The following MAGI1 variants were observed in gnomAD, a reference collection of about 807,000 sequenced individuals.
MAGI1 encodes membrane associated guanylate kinase, WW and PDZ domain containing 1.
In MAGI1, 58 loss-of-function variants were observed where a neutral mutation model predicts 139.9. That is an observed-to-expected ratio of 0.41 (90% CI 0.34 to 0.52). The LOEUF is 0.52. Ranked by LOEUF, MAGI1 falls within the 20% of genes least tolerant of loss-of-function variation. MAGI1 has a pLI of 0.12. For missense variants in MAGI1, 1,874 were observed against 1,901.6 expected (o/e 0.99, Z 0.27); for synonymous variants, 812 against 737.9 (o/e 1.10, Z -1.63).
intron 1 of MAGI1, among the ~76,000 whole-genome samples, chr3:65,843,094 C>G (rs1390822813): frequency 3.9e-5 from 6 of 152,186 alleles, no homozygotes; most frequent in Non-Finnish European, 8.8e-5. Flanking sequence ...AAATGTAGTA[C>G]TGGCTTATTG....
intron 1 of MAGI1, among the ~76,000 whole-genome samples, chr3:65,970,226 A>C: frequency 6.6e-6 from 1 of 152,222 alleles, no homozygotes; most frequent in Admixed American, 6.5e-5. Flanking sequence ...TGCTAAGTGA[A>C]CTATGCCGAT....
intron 1 of MAGI1, among the ~76,000 whole-genome samples, chr3:65,685,649 TAA>T (rs1283869912): frequency 2.0e-5 from 3 of 152,202 alleles, no homozygotes; most frequent in African/African-American, 7.2e-5. Flanking sequence ...ATTCAATCAA[TAA>T]AACTCACCCT....
At chr3:65,397,670 A>G (rs912618121) in intron 13 of MAGI1, among the ~76,000 whole-genome samples, 1 of 152,196 alleles carries the variant, frequency 6.6e-6, no homozygotes, top group Non-Finnish European at 1.5e-5. Context: ...AAAGTACTCC[A>G]CAGCTCAATC....
chr3:65,467,468 C>A (rs1294218607), intron 5 of MAGI1, among the ~76,000 whole-genome samples: 1 of 152,146 alleles, frequency 6.6e-6, no homozygotes, highest in African/African-American at 2.4e-5. Flanking sequence ...TGTATCTAAT[C>A]ACTTAATATA....
At chr3:66,026,447 C>T (rs2068264737) in intron 1 of MAGI1, among the ~76,000 whole-genome samples, 1 of 151,892 alleles carries the variant, frequency 6.6e-6, no homozygotes, top group Non-Finnish European at 1.5e-5. Flanking sequence ...CCAACAAGAT[C>T]TCAGACAATT....
chr3:65,817,747 A>G (rs2041697734), intron 1 of MAGI1, among the ~76,000 whole-genome samples: 1 of 152,214 alleles, frequency 6.6e-6, no homozygotes, highest in South Asian at 2.1e-4. Flanking sequence ...TATGTCATCA[A>G]AGTAACAACT....
chr3:65,815,800 T>G (rs1470062471), intron 1 of MAGI1, among the ~76,000 whole-genome samples: 1 of 152,112 alleles, frequency 6.6e-6, no homozygotes, highest in South Asian at 2.1e-4. Context: ...TCAAGGCAGG[T>G]ACCAGTGTCC....
At chr3:65,685,602 A>G (rs891668590) in intron 1 of MAGI1, among the ~76,000 whole-genome samples, 5 of 152,234 alleles carry the variant, frequency 3.3e-5, no homozygotes, top group African/African-American at 1.2e-4. Flanking sequence ...TGAGGTGGTC[A>G]TGTTAATTTA....
chr3:65,880,116 C>T (rs1279416226), intron 1 of MAGI1, among the ~76,000 whole-genome samples: 3 of 152,166 alleles, frequency 2.0e-5, no homozygotes, highest in African/African-American at 7.2e-5. Flanking sequence ...GTGGCACACA[C>T]CTGTAGTCCC....
chr3:65,751,654 T>C (rs951953095), intron 1 of MAGI1, among the ~76,000 whole-genome samples: 1 of 152,204 alleles, frequency 6.6e-6, no homozygotes, highest in Non-Finnish European at 1.5e-5. Context: ...GAATGGTCTT[T>C]GCAAGTATCA....
At chr3:65,502,875 G>A (rs192749616) in intron 2 of MAGI1, among the ~76,000 whole-genome samples, 8 of 152,178 alleles carry the variant, frequency 5.3e-5, no homozygotes, top group Non-Finnish European at 1.2e-4. Context: ...CAAGGAAAGG[G>A]CTGAAAGAAA....
intron 1 of MAGI1, among the ~76,000 whole-genome samples, chr3:65,839,395 T>A (rs2058731712): frequency 6.6e-6 from 1 of 151,340 alleles, no homozygotes; most frequent in Non-Finnish European, 1.5e-5. Flanking sequence ...TTTTATAATG[T>A]ATTCCTTCGA....
At chr3:65,582,736 C>T (rs1327839118) in intron 2 of MAGI1, among the ~76,000 whole-genome samples, 1 of 152,174 alleles carries the variant, frequency 6.6e-6, no homozygotes, top group Non-Finnish European at 1.5e-5. Flanking sequence ...GAAGTCACCT[C>T]AGCAGTCATC....
chr3:65,836,521 T>C (rs1298488285), intron 1 of MAGI1, among the ~76,000 whole-genome samples: 1 of 152,092 alleles, frequency 6.6e-6, no homozygotes, highest in Non-Finnish European at 1.5e-5. Flanking sequence ...ATGATGGTTG[T>C]CTAAAGAAAG....
intron 1 of MAGI1, among the ~76,000 whole-genome samples, chr3:65,857,008 C>T (rs1462338103): frequency 6.6e-6 from 1 of 152,224 alleles, no homozygotes; most frequent in African/African-American, 2.4e-5. Flanking sequence ...ACCCTGACGG[C>T]CCTGTTTACT....
intron 1 of MAGI1, among the ~76,000 whole-genome samples, chr3:66,022,048 C>A (rs1424812144): frequency 1.3e-5 from 2 of 152,160 alleles, no homozygotes; most frequent in East Asian, 3.8e-4. Context: ...TCTTTCCCCT[C>A]TGGAATTCAG....
chr3:65,408,990 C>T (rs968245267), intron 12 of MAGI1, among the ~76,000 whole-genome samples: 6 of 152,172 alleles, frequency 3.9e-5, no homozygotes, highest in African/African-American at 9.7e-5. Context: ...ATGAAAATGA[C>T]GCAGGACAAT....
intron 3 of MAGI1, among the ~76,000 whole-genome samples, chr3:65,486,566 A>C (rs1309976710): frequency 6.6e-6 from 1 of 152,226 alleles, no homozygotes; most frequent in African/African-American, 2.4e-5. Context: ...TCAGTGCCAC[A>C]ATTAGGAAGT....
chr3:65,778,430 C>A (rs1455685203), intron 1 of MAGI1, among the ~76,000 whole-genome samples: 56 of 83,874 alleles, frequency 6.7e-4, no homozygotes, highest in South Asian at 1.1e-3. Context: ...AACTCTGTCT[C>A]AAAAAAAAAA....
Sources: gnomAD v4.1 joint callset for allele counts (sites outside exome capture counted in the v4.1 genomes callset) on GRCh38, gnomAD v4.1.1 for gene constraint, MANE v1.5 for transcripts, NCBI Gene and HGNC (gene_info 2026-07-23, HGNC 2026-07-21) for gene names.